The following SORBS2 variants were observed in gnomAD, a reference collection of about 807,000 sequenced individuals.
The protein encoded by SORBS2 is sorbin and SH3 domain-containing protein 2.
In SORBS2, 46 loss-of-function variants were observed where a neutral mutation model predicts 97.7. The ratio of observed to expected loss-of-function variants is 0.47; its 90% CI spans 0.37 to 0.60. The LOEUF is 0.60. Among genes scored for constraint, SORBS2 ranks in the 20% least tolerant of loss-of-function variants. The probability of loss-of-function intolerance (pLI) is 0.00; values close to 1 mark genes in which losing one functional copy is unlikely to be tolerated. For missense variants in SORBS2, 1,316 were observed against 1,282.3 expected (o/e 1.03, Z -0.40); for synonymous variants, 476 against 473.4 (o/e 1.01, Z -0.07).
At chr4:185,649,420 T>C (rs756303843) in intron 3 of SORBS2, 47 bp downstream of exon 12, 2 of 1,465,324 alleles carry the variant, frequency 1.4e-6, no homozygotes, top group South Asian at 2.8e-5. Flanking sequence ...GTAGACTTAT[T>C]TTTATCCTAA....
At chr4:185,764,795 C>T (rs1413544714) in intron 2 of SORBS2, among the ~76,000 whole-genome samples, 2 of 152,058 alleles carry the variant, frequency 1.3e-5, no homozygotes, top group Admixed American at 6.6e-5. Flanking sequence ...TGTCCATGTA[C>T]CCATCATTTA....
intron 1 of SORBS2, among the ~76,000 whole-genome samples, chr4:185,839,307 G>A (rs35638116): frequency 0.21 from 32,159 of 152,162 alleles, 4,504 homozygotes; most frequent in East Asian, 0.57. Flanking sequence ...AGATGAGTAA[G>A]ATTCTAAGAA....
At chr4:185,800,533 C>T (rs187922409) in intron 1 of SORBS2, among the ~76,000 whole-genome samples, 2 of 152,236 alleles carry the variant, frequency 1.3e-5, no homozygotes, top group Non-Finnish European at 2.9e-5. Context: ...GGTCCCTGGG[C>T]CTATCTCTTT....
At chr4:185,680,878 C>A (rs925035956) in intron 2 of SORBS2, among the ~76,000 whole-genome samples, 3 of 152,058 alleles carry the variant, frequency 2.0e-5, no homozygotes, top group Admixed American at 1.3e-4. Context: ...CCCCAGGAGA[C>A]GGTAAGTGTG....
intron 2 of SORBS2, among the ~76,000 whole-genome samples, chr4:185,748,313 G>A (rs1241843047): frequency 6.6e-6 from 1 of 152,192 alleles, no homozygotes; most frequent in Non-Finnish European, 1.5e-5. Context: ...CTGTCACCAG[G>A]AGCCCCGCGT....
chr4:185,720,949 C>T lies in SORBS2; in HGVS notation c.-197-42127G>A, dbSNP rs1050823370. 4.6e-5 allele frequency among the ~76,000 whole-genome samples: 7 copies of T among 152,130 alleles called. No individual in the cohort carries two copies. In the East Asian group the frequency reaches 1.3e-3, roughly 29 times the overall value. ...CTCTGTCTCCCTGGGCCTCAATCTTCTCACCCTTGCATTGGGAATGATACT... is the reference window on the plus strand; with the variant it reads ...CTCTGTCTCCCTGGGCCTCAATCTTTTCACCCTTGCATTGGGAATGATACT... On this transcript the variant is annotated intron_variant, in intron 2 of 20. Transcript: ENST00000284776.
At chr4:185,604,916 G>A (rs1050750320) in intron 12 of SORBS2, among the ~76,000 whole-genome samples, 2 of 152,194 alleles carry the variant, frequency 1.3e-5, no homozygotes, top group East Asian at 1.9e-4. Context: ...TGGGGAAGCC[G>A]TGGCCCCGCG....
At chr4:185,766,526 T>A (rs56201509) in intron 2 of SORBS2, among the ~76,000 whole-genome samples, 117,383 of 151,844 alleles carry the variant, frequency 0.77, 45,810 homozygotes, top group African/African-American at 0.86. Context: ...CATATTTTTG[T>A]AATTCACAAA....
chr4:185,816,161 C>T (rs2099193162), intron 1 of SORBS2, among the ~76,000 whole-genome samples: 1 of 152,168 alleles, frequency 6.6e-6, no homozygotes, highest in Non-Finnish European at 1.5e-5. Flanking sequence ...GATCTTAAAC[C>T]ATTTATCCTC....
At chr4:185,872,736 G>C (rs773119560) in intron 1 of SORBS2, among the ~76,000 whole-genome samples, 6 of 152,216 alleles carry the variant, frequency 3.9e-5, no homozygotes, top group African/African-American at 9.6e-5. Context: ...GAAAGAGGGA[G>C]GGAGGATCTT....
intron 1 of SORBS2, among the ~76,000 whole-genome samples, chr4:185,939,310 G>A (rs1309105659): frequency 6.6e-6 from 1 of 151,992 alleles, no homozygotes; most frequent in Non-Finnish European, 1.5e-5. Flanking sequence ...CCGTGCAATT[G>A]TTCCTAATAT....
intron 1 of SORBS2, chr4:185,933,128 T>C (rs897633534): frequency 6.6e-6 from 1 of 152,234 alleles, no homozygotes; most frequent in East Asian, 1.9e-4. Context: ...TGACTCCTAA[T>C]GACCAGTTGT....
chr4:185,714,557 C>T (rs924204920), intron 2 of SORBS2, among the ~76,000 whole-genome samples: 6 of 152,004 alleles, frequency 3.9e-5, no homozygotes, highest in African/African-American at 7.3e-5. Flanking sequence ...AATCTGTTCT[C>T]GCACTGCTAA....
At chr4:185,859,662 A>G (rs888592485) in intron 1 of SORBS2, among the ~76,000 whole-genome samples, 3 of 152,096 alleles carry the variant, frequency 2.0e-5, no homozygotes, top group African/African-American at 7.3e-5. Context: ...TTATGTACCC[A>G]TCTCCTTTAG....
At chr4:185,780,553 G>A (rs1438961232) in intron 1 of SORBS2, among the ~76,000 whole-genome samples, 1 of 152,152 alleles carries the variant, frequency 6.6e-6, no homozygotes, top group African/African-American at 2.4e-5. Context: ...CTACACTTGT[G>A]TCCTGAAAGG....
At chr4:185,597,166 A>C (rs944678045) in intron 12 of SORBS2, among the ~76,000 whole-genome samples, 25 of 152,214 alleles carry the variant, frequency 1.6e-4, no homozygotes, top group African/African-American at 5.5e-4. Flanking sequence ...AAGAACAGTT[A>C]TCTAAGACGG....
At chr4:185,709,320 T>TTTTTTTTTTTTTTTTTTTTTTTTTTC (rs1181008953) in intron 2 of SORBS2, among the ~76,000 whole-genome samples, 1 of 140,978 alleles carries the variant, frequency 7.1e-6, no homozygotes, top group African/African-American at 2.7e-5. Context: ...TTTTTTTTTT[T>TTTTTTTTTTTTTTTTTTTTTTTTTTC]TTTTAGTAAA....
rs776215738 is a variant in SORBS2, at chr4:185,662,099, C to A, written c.94+5G>T. On this transcript the variant is annotated splice_donor_5th_base_variant and intron_variant, in intron 5 of 20. Transcript: ENST00000284776. ...CATGGAAATCACGGTGAGTAAATTA[C>A]TTACCGAGGGATGTGCCGTGCTGCA... is the stretch of plus-strand genomic sequence containing the variant. The A allele has an allele frequency of 6.2e-7, 1 of 1,613,928 alleles. No homozygotes were observed. The highest frequency in any genetic ancestry group is 1.7e-5 in the Admixed American group (1 of 60,002).
chr4:185,740,385 G>A (rs2098714772), intron 2 of SORBS2: 1 of 152,330 alleles, frequency 6.6e-6, no homozygotes, highest in African/African-American at 2.4e-5. Flanking sequence ...ACAGAAACTT[G>A]AGCCTATGGA....
Sources: allele counts gnomAD v4.1 joint callset (sites outside exome capture counted in the v4.1 genomes callset), GRCh38; gene constraint gnomAD v4.1.1; transcripts MANE v1.5; gene names NCBI Gene and HGNC (gene_info 2026-07-23, HGNC 2026-07-21).